PLPP3: variants seen among roughly 807,000 people sequenced by gnomAD.
The protein encoded by PLPP3 is phospholipid phosphatase 3.
A neutral mutation model predicts 29.6 loss-of-function variants in PLPP3; 6 were observed. The ratio of observed to expected loss-of-function variants is 0.20; its 90% CI spans 0.11 to 0.40. The LOEUF (loss-of-function observed/expected upper bound fraction) is 0.40, where lower values mean the gene tolerates loss of function less well. Ranked by LOEUF, PLPP3 falls within the 10% of genes least tolerant of loss-of-function variation. The pLI, the probability that PLPP3 is intolerant of heterozygous loss-of-function variation, is 1.00. For synonymous variants in PLPP3, 152 were observed against 159.7 expected (o/e 0.95, Z 0.36); for missense variants, 308 against 407.7 (o/e 0.76, Z 2.11).
intron 1 of PLPP3, among the ~76,000 whole-genome samples, chr1:56,558,038 G>A (rs1461306004): frequency 2.0e-5 from 3 of 152,120 alleles, no homozygotes; most frequent in African/African-American, 7.2e-5. Context: ...CAGGTTTGTG[G>A]TCCTTAACAG....
intron 5 of PLPP3, among the ~76,000 whole-genome samples, chr1:56,499,911 T>C (rs1490164130): frequency 3.3e-5 from 5 of 152,100 alleles, no homozygotes; most frequent in Non-Finnish European, 5.9e-5. Flanking sequence ...ACAAATTAAG[T>C]AGCTGTCTTA....
intron 5 of PLPP3, 37 bp from the exon 6 acceptor site, chr1:56,496,713 A>G (rs747432529): frequency 1.2e-5 from 19 of 1,610,564 alleles, no homozygotes; most frequent in Non-Finnish European, 1.5e-5. Flanking sequence ...TCAGTAACTG[A>G]CATCGGGGGT....
chr1:56,562,361 C>T (rs539454536), intron 1 of PLPP3, among the ~76,000 whole-genome samples: 10 of 152,228 alleles, frequency 6.6e-5, no homozygotes, highest in African/African-American at 2.4e-4. Context: ...TGTAGACTCA[C>T]TGCATAAAGA....
chr1:56,496,780 C>A, intron 5 of PLPP3, 104 bp from the exon 6 acceptor site: 1 of 1,237,132 alleles, frequency 8.1e-7, no homozygotes, highest in Non-Finnish European at 1.1e-6. Context: ...AAAAGGGGCC[C>A]CAAATCATAA....
chr1:56,561,890 C>G (rs907095116), intron 1 of PLPP3, among the ~76,000 whole-genome samples: 2 of 151,762 alleles, frequency 1.3e-5, no homozygotes, highest in African/African-American at 4.8e-5. Context: ...AAAAAATTAG[C>G]CGGGCATGGT....
chr1:56,507,622 C>T (rs7549894), intron 5 of PLPP3, among the ~76,000 whole-genome samples: 14,705 of 152,196 alleles, frequency 0.097, 1,869 homozygotes, highest in African/African-American at 0.28. Context: ...TCTCCAGGGA[C>T]TGGGGAAGTT....
intron 1 of PLPP3, among the ~76,000 whole-genome samples, chr1:56,549,953 A>G (rs1646027305): frequency 6.6e-6 from 1 of 152,172 alleles, no homozygotes; most frequent in South Asian, 2.1e-4. Context: ...CTGACCAATA[A>G]TCCTTTCCGG....
intron 4 of PLPP3, among the ~76,000 whole-genome samples, chr1:56,518,556 G>A (rs1218296845): frequency 4.6e-5 from 7 of 152,104 alleles, no homozygotes; most frequent in African/African-American, 1.4e-4. Flanking sequence ...CGGATGGCCC[G>A]AGTGTCAGAA....
At chr1:56,515,791 T>G (rs1245245126) in intron 4 of PLPP3, among the ~76,000 whole-genome samples, 1 of 152,134 alleles carries the variant, frequency 6.6e-6, no homozygotes, top group Non-Finnish European at 1.5e-5. Flanking sequence ...CATTTTGGGG[T>G]ACAATAGCCC....
intron 1 of PLPP3, among the ~76,000 whole-genome samples, chr1:56,557,022 G>GAAAGAA (rs1366799695): frequency 1.5e-4 from 2 of 13,062 alleles, no homozygotes; most frequent in South Asian, 3.3e-3. Flanking sequence ...GAGAGAGAGA[G>GAAAGAA]AGAAAGAGAG....
chr1:56,495,101 T>C lies in PLPP3; in HGVS notation c.*1450A>G, dbSNP rs1201273558. On this transcript the variant is annotated 3_prime_UTR_variant, in exon 6 of 6. Coordinates refer to ENST00000371250, the MANE Select transcript of PLPP3 (RefSeq NM_003713.5). ...CTAAATTGTTTCAGAAATAATATCT[T>C]ACATAGTTAACTTTTAATGTTTTAT... 2.0e-5 allele frequency: 3 copies of C among 152,430 alleles called. No individual in the cohort carries two copies. Among genetic ancestry groups the C allele is most frequent in the Admixed American group, 2.0e-4 (3 of 15,260 alleles). 9.4% of individuals were successfully genotyped at this position (152,430 alleles called of 1,614,324 possible).
At chr1:56,555,311 T>C (rs534519276) in intron 1 of PLPP3, among the ~76,000 whole-genome samples, 3 of 151,278 alleles carry the variant, frequency 2.0e-5, no homozygotes, top group African/African-American at 7.3e-5. Flanking sequence ...GTAAGGACCA[T>C]GGGCTGGCTG....
chr1:56,525,319 T>G (rs76204091), intron 2 of PLPP3, among the ~76,000 whole-genome samples: 1 of 152,196 alleles, frequency 6.6e-6, no homozygotes, highest in Non-Finnish European at 1.5e-5. Flanking sequence ...TGCCCTTCAG[T>G]GTTTGTGAAT....
intron 1 of PLPP3, among the ~76,000 whole-genome samples, chr1:56,554,548 G>A (rs1646061490): frequency 6.6e-6 from 1 of 150,468 alleles, no homozygotes; most frequent in South Asian, 2.1e-4. Flanking sequence ...CTCCAGCCTG[G>A]GCGACAGAGC....
At chr1:56,521,879 C>G (rs1645821825) in intron 4 of PLPP3, among the ~76,000 whole-genome samples, 1 of 152,126 alleles carries the variant, frequency 6.6e-6, no homozygotes, top group Non-Finnish European at 1.5e-5. Flanking sequence ...ACAGAGATCT[C>G]TAGATGGTAA....
chr1:56,499,078 C>A (rs1173023213), intron 5 of PLPP3, among the ~76,000 whole-genome samples: 1 of 147,500 alleles, frequency 6.8e-6, no homozygotes, highest in African/African-American at 2.5e-5. Context: ...CCCCGTCCCC[C>A]CCCCCCACCT....
chr1:56,502,761 A>G (rs904934497), intron 5 of PLPP3, among the ~76,000 whole-genome samples: 3 of 152,182 alleles, frequency 2.0e-5, no homozygotes, highest in East Asian at 1.9e-4. Context: ...ATGCTGTGTC[A>G]TATTTCCCCT....
chr1:56,519,815 G>A (rs1055840211), intron 4 of PLPP3, among the ~76,000 whole-genome samples: 2 of 151,592 alleles, frequency 1.3e-5, no homozygotes, highest in Admixed American at 1.3e-4. Flanking sequence ...AAGCTTCTGT[G>A]TGCAGGATAA....
chr1:56,557,034 G>GAGAGAGAAAGAAAGAAAGAA lies in PLPP3; in HGVS notation c.140-19923_140-19922insTTCTTTCTTTCTTTCTCTCT, dbSNP rs1646086560. ...AGAGAGAGAGAGAGAGAAAGAGAGA[G>GAGAGAGAAAGAAAGAAAGAA]AGAGAGAGAGAGAGAGAGAGAGAGA... On this transcript the variant is annotated intron_variant, in intron 1 of 5. Coordinates refer to ENST00000371250, the MANE Select transcript of PLPP3 (RefSeq NM_003713.5). Among the ~76,000 whole-genome samples the GAGAGAGAAAGAAAGAAAGAA allele has an allele frequency of 7.7e-5, 2 of 25,928 alleles. 1 individual carries two copies. The highest frequency in any genetic ancestry group is 2.0e-4 in the African/African-American group (2 of 9,968). The allele number at this position is 25,928 out of a possible 152,430, so 17.0% of individuals were successfully genotyped here. A position where few individuals can be genotyped will look rare whatever the true frequency, so the allele number is the denominator to read the frequency against.
Sources: gnomAD v4.1 joint callset for allele counts (sites outside exome capture counted in the v4.1 genomes callset) on GRCh38, gnomAD v4.1.1 for gene constraint, MANE v1.5 for transcripts, NCBI Gene and HGNC (gene_info 2026-07-23, HGNC 2026-07-21) for gene names.